The following UBE2K variants were observed in gnomAD, a reference collection of about 807,000 sequenced individuals.
The protein encoded by UBE2K is ubiquitin-conjugating enzyme E2 K.
UBE2K carries 6 observed loss-of-function variants against 30.0 expected under a neutral mutation model. The ratio of observed to expected loss-of-function variants is 0.20; its 90% CI spans 0.11 to 0.39. The LOEUF (loss-of-function observed/expected upper bound fraction) is 0.39, where lower values mean the gene tolerates loss of function less well. Among genes scored for constraint, UBE2K ranks in the 10% least tolerant of loss-of-function variants. The pLI is 1.00. For missense variants in UBE2K, 61 were observed against 241.6 expected, an observed-to-expected ratio of 0.25 and a Z score of 4.96; for synonymous variants, 86 against 83.7, an observed-to-expected ratio of 1.03 and a Z score of -0.15.
Position 39,774,952 on chromosome 4 carries a change from A to G in UBE2K, c.399+19A>G. 1 of 1,555,180 alleles carries G rather than the reference A, an allele frequency of 6.4e-7. No individual in the cohort carries two copies. Among genetic ancestry groups the G allele is most frequent in the Non-Finnish European group, 8.8e-7 (1 of 1,136,806 alleles). ...AAATCAGGTAAGATGGCCGCTTTTG[A>G]AAGACTTTCTTATATTATGTATGAG... On this transcript the variant is annotated intron_variant, in intron 5 of 6. Coordinates refer to ENST00000261427, the MANE Select transcript of UBE2K (RefSeq NM_005339.5).
intron 1 of UBE2K, among the ~76,000 whole-genome samples, chr4:39,699,647 A>T (rs1019785319): frequency 6.6e-6 from 1 of 152,230 alleles, no homozygotes; most frequent in Non-Finnish European, 1.5e-5. Context: ...ATTATTGAAT[A>T]TATCATTGCT....
intron 1 of UBE2K, among the ~76,000 whole-genome samples, chr4:39,699,374 TCTC>T (rs1306693415): frequency 6.6e-6 from 1 of 152,222 alleles, no homozygotes; most frequent in Non-Finnish European, 1.5e-5. Flanking sequence ...CATTGTTTCA[TCTC>T]CTTATTGAGA....
At chr4:39,726,182 A>G (rs189419416) in intron 1 of UBE2K, among the ~76,000 whole-genome samples, 33 of 151,396 alleles carry the variant, frequency 2.2e-4, no homozygotes, top group African/African-American at 4.1e-4. Context: ...TCCTCCCTAT[A>G]TGTCTGTCTT....
intron 1 of UBE2K, among the ~76,000 whole-genome samples, chr4:39,705,129 C>A (rs1214396002): frequency 1.3e-5 from 2 of 150,954 alleles, no homozygotes; most frequent in Non-Finnish European, 3.0e-5. Flanking sequence ...GAGCTCCTGA[C>A]CTTGTGATCT....
chr4:39,704,939 C>T (rs1303152869), intron 1 of UBE2K, among the ~76,000 whole-genome samples: 4 of 149,902 alleles, frequency 2.7e-5, no homozygotes, highest in East Asian at 1.9e-4. Flanking sequence ...TGCGCCATCT[C>T]GGCTCACCGC....
rs542229623 is a variant in UBE2K, at chr4:39,743,485, T to C, written c.158-2267T>C. ...CGGGCGTGGTGACGGGCGCCTGTAGTCCCAGCTAATCGGGAGGCTGAGGCA... is the reference window on the plus strand; with the variant it reads ...CGGGCGTGGTGACGGGCGCCTGTAGCCCCAGCTAATCGGGAGGCTGAGGCA... On this transcript the variant is annotated intron_variant, in intron 2 of 6. Transcript: ENST00000261427. 5.3e-5 allele frequency among the ~76,000 whole-genome samples: 8 copies of C among 151,816 alleles called. No individual in the cohort carries two copies. The East Asian group carries it at 1.6e-3, about 30-fold the overall frequency.
intron 1 of UBE2K, among the ~76,000 whole-genome samples, chr4:39,734,493 T>C (rs191977592): frequency 6.6e-6 from 1 of 152,236 alleles, no homozygotes; most frequent in East Asian, 1.9e-4. Context: ...AAAGAGCAAT[T>C]TTTTTCTGAC....
chr4:39,700,216 A>G (rs528461758), intron 1 of UBE2K, among the ~76,000 whole-genome samples: 2 of 152,304 alleles, frequency 1.3e-5, no homozygotes, highest in South Asian at 4.1e-4. Flanking sequence ...TACTAAGTTG[A>G]AGATTACCAG....
chr4:39,757,025 GTTTTTTGT>G (rs1711531603), intron 4 of UBE2K, among the ~76,000 whole-genome samples: 2 of 70,940 alleles, frequency 2.8e-5, no homozygotes, highest in Admixed American at 1.8e-4. Context: ...TTTGTTTTTT[GTTTTTTGT>G]TTTTTTTTTG....
chr4:39,770,517 C>T (rs1712719183), intron 4 of UBE2K: 6 of 1,603,618 alleles, frequency 3.7e-6, no homozygotes, highest in African/African-American at 1.3e-5. Context: ...TCCCTGGCTG[C>T]CCCCCGCCCC....
chr4:39,729,273 T>A (rs1410004926), intron 1 of UBE2K, among the ~76,000 whole-genome samples: 1 of 152,082 alleles, frequency 6.6e-6, no homozygotes, highest in Non-Finnish European at 1.5e-5. Context: ...GCCCGGTCTT[T>A]CCTATCTTTC....
intron 3 of UBE2K, among the ~76,000 whole-genome samples, chr4:39,746,683 A>T (rs1721005178): frequency 6.6e-6 from 1 of 151,952 alleles, no homozygotes; most frequent in South Asian, 2.1e-4. Flanking sequence ...TCCATCTTAG[A>T]TTGTTTATTT....
chr4:39,770,363 C>G lies in UBE2K; in HGVS notation c.300-4471C>G, dbSNP rs957864806. ...TGAGGTTGTTGCTGTGGTTGAACTC[C>G]TTGCCACAGCGAGGGCACATGAAGA... On this transcript the variant is annotated intron_variant, in intron 4 of 6. Coordinates refer to ENST00000261427, the MANE Select transcript of UBE2K (RefSeq NM_005339.5). 1.7e-5 allele frequency: 27 copies of G among 1,613,204 alleles called. No individual in the cohort carries two copies. In the African/African-American group the frequency reaches 2.8e-4, roughly 17 times the overall value.
At chr4:39,711,398 A>C (rs930852609) in intron 1 of UBE2K, among the ~76,000 whole-genome samples, 1 of 151,384 alleles carries the variant, frequency 6.6e-6, no homozygotes, top group Non-Finnish European at 1.5e-5. Context: ...TCCTGACTTC[A>C]TGATCCGCCC....
chr4:39,730,449 G>T (rs1720008783), intron 1 of UBE2K, among the ~76,000 whole-genome samples: 1 of 152,078 alleles, frequency 6.6e-6, no homozygotes, highest in African/African-American at 2.4e-5. Flanking sequence ...GCCCCACAAA[G>T]TGTTGGGATT....
At chr4:39,718,927 G>A (rs537256765) in intron 1 of UBE2K, among the ~76,000 whole-genome samples, 23 of 152,362 alleles carry the variant, frequency 1.5e-4, no homozygotes, top group Admixed American at 3.3e-4. Context: ...CTCCGGCCTC[G>A]GCCATCCCAG....
chr4:39,781,709 A>G lies in UBE2K; in HGVS notation c.*3275A>G. ...ACCTTCTAGTATGTAGAGGGAAACA[A>G]TGTTTAGATAGGAAAAAGGAAGCCG... On this transcript the variant is annotated 3_prime_UTR_variant, in exon 7 of 7. Coordinates refer to ENST00000261427, the MANE Select transcript of UBE2K (RefSeq NM_005339.5). 2.6e-6 allele frequency: 1 copy of G among 383,320 alleles called. No individual in the cohort carries two copies. Among genetic ancestry groups the G allele is most frequent in the Non-Finnish European group, 4.6e-6 (1 of 216,356 alleles). The allele number at this position is 383,320 out of a possible 1,614,324, so 23.7% of individuals were successfully genotyped here. A position where few individuals can be genotyped will look rare whatever the true frequency, so the allele number is the denominator to read the frequency against.
At chr4:39,725,391 A>C (rs1045720713) in intron 1 of UBE2K, among the ~76,000 whole-genome samples, 5 of 149,260 alleles carry the variant, frequency 3.3e-5, no homozygotes, top group East Asian at 1.9e-4. Context: ...AAAAAAAAAA[A>C]AAAAAAAAAA....
chr4:39,777,731 A>G lies in UBE2K; in HGVS notation c.449A>G (p.His150Arg). 6.4e-7 allele frequency: 1 copy of G among 1,571,252 alleles called. No homozygotes were observed. Residue 150 changes from histidine to arginine, a missense_variant, in exon 6 of 7, where the codon CAT (histidine) becomes CGT (arginine). Physicochemically the swap from His to Arg is conservative, Grantham distance 29. Transcript: ENST00000261427. ...AAACAGACAGCTCGACTTTGGGCAC[A>G]TGTGTATGCTGGAGCACCAGTTTCT... ...MFKQTARLWA[H>R]VYAGAPVSSP...
Sources: gnomAD v4.1 joint callset for allele counts (sites outside exome capture counted in the v4.1 genomes callset) on GRCh38, gnomAD v4.1.1 for gene constraint, MANE v1.5 for transcripts, NCBI Gene and HGNC (gene_info 2026-07-23, HGNC 2026-07-21) for gene names.